Variants in VSIG1 observed in about 807,000 individuals in gnomAD.
VSIG1 encodes the protein V-set and immunoglobulin domain-containing protein 1.
Under a neutral mutation model 20.1 loss-of-function variants are expected in VSIG1, and 11 were observed. The observed-to-expected ratio is 0.55, with a 90% CI of 0.34 to 0.91. VSIG1 has a LOEUF of 0.91. Ranked by LOEUF, VSIG1 falls within the 40% of genes least tolerant of loss-of-function variation. The pLI, the probability that VSIG1 is intolerant of heterozygous loss-of-function variation, is 0.02. For missense variants in VSIG1, 283 were observed against 298.8 expected, an observed-to-expected ratio of 0.95 and a Z score of 0.39; for synonymous variants, 126 against 116.7, an observed-to-expected ratio of 1.08 and a Z score of -0.52.
chrX:108,066,775 T>G (rs918007021), intron 2 of VSIG1, among the ~76,000 whole-genome samples, 161 bp from the exon 3 acceptor site: 2 of 111,731 alleles, frequency 1.8e-5, no homozygotes, highest in African/African-American at 6.5e-5. Flanking sequence ...CAAACTAAAG[T>G]GCCCCACTGA....
At chrX:108,030,109 G>A in the VSIG1 span, among the ~76,000 whole-genome samples, 2 of 111,451 alleles carry the variant, frequency 1.8e-5, no homozygotes, top group African/African-American at 6.5e-5. Context: ...CATGTCCCGA[G>A]AGTCCCAAAT....
the VSIG1 span, among the ~76,000 whole-genome samples, chrX:108,038,451 C>A: frequency 8.9e-6 from 1 of 111,970 alleles, no homozygotes; most frequent in Non-Finnish European, 1.9e-5. Context: ...GACAGTGTGG[C>A]AATTCCTCAA....
intron 5 of VSIG1, 98 bp from the exon 6 acceptor site, chrX:108,075,979 A>G: frequency 1.9e-6 from 2 of 1,063,345 alleles, no homozygotes; most frequent in Non-Finnish European, 1.3e-6. Flanking sequence ...TCATTTTCCC[A>G]CTATGTGAAT....
chrX:108,021,387 G>T, the VSIG1 span, among the ~76,000 whole-genome samples: 3 of 111,493 alleles, frequency 2.7e-5, no homozygotes, highest in African/African-American at 9.8e-5. Flanking sequence ...TTTTGAAGTG[G>T]GAAGTCTAAA....
intron 2 of VSIG1, among the ~76,000 whole-genome samples, chrX:108,065,854 T>C (rs936125629): frequency 1.2e-4 from 14 of 112,167 alleles, no homozygotes; most frequent in Non-Finnish European, 1.9e-5. Flanking sequence ...ATACATATCA[T>C]ACTTTGGAAA....
intron 2 of VSIG1, among the ~76,000 whole-genome samples, chrX:108,063,640 G>A: frequency 9.0e-6 from 1 of 111,019 alleles, no homozygotes; most frequent in East Asian, 2.8e-4. Flanking sequence ...TATCCATCGG[G>A]CTCCTGAAGG....
chrX:108,048,283 G>C (rs1485699615), intron 1 of VSIG1, among the ~76,000 whole-genome samples: 1 of 110,021 alleles, frequency 9.1e-6, no homozygotes. Flanking sequence ...GATTACAGGC[G>C]TGAGCCACTG....
intron 1 of VSIG1, among the ~76,000 whole-genome samples, chrX:108,056,369 A>G (rs756293366): frequency 8.9e-6 from 1 of 111,738 alleles, no homozygotes; most frequent in South Asian, 3.8e-4. Context: ...CAATGCAAGG[A>G]TGTCCACTCT....
Position 108,077,521 on chromosome X carries a change from C to A in VSIG1, c.*140C>A. 1.4e-6 allele frequency: 1 copy of A among 689,692 alleles called. No individual in the cohort carries two copies. The highest frequency in any genetic ancestry group is 2.1e-6 in the Non-Finnish European group (1 of 465,465). 56.8% of individuals were successfully genotyped at this position (689,692 alleles called of 1,213,427 possible). A position where few individuals can be genotyped will look rare whatever the true frequency, so the allele number is the denominator to read the frequency against. On this transcript the variant is annotated 3_prime_UTR_variant, in exon 7 of 7. Transcript: ENST00000217957. The stretch of plus-strand genomic sequence containing the variant: ...CAAGGTGCTCATTCCTACTATGAAT[C>A]CAGAATAAACACGCCAAGATAACAG...
intron 2 of VSIG1, among the ~76,000 whole-genome samples, chrX:108,066,457 G>A (rs1438042622): frequency 9.0e-6 from 1 of 111,609 alleles, no homozygotes; most frequent in Non-Finnish European, 1.9e-5. Context: ...TCTAAAAGGA[G>A]CATGAACATT....
intron 1 of VSIG1, among the ~76,000 whole-genome samples, chrX:108,047,943 TATATATATATACACACAC>T (rs2030668526): frequency 1.2e-4 from 4 of 33,356 alleles, no homozygotes; most frequent in African/African-American, 3.8e-4. Flanking sequence ...TACACATATA[TATATATATATACACACAC>T]ATATATATAT....
upstream of VSIG1, chrX:108,044,959 C>T (rs2030538389): frequency 3.1e-6 from 1 of 318,860 alleles, no homozygotes; most frequent in Non-Finnish European, 5.5e-6. Flanking sequence ...AAACACAAAT[C>T]TGTACTGAAA....
At position 108,077,284 on chromosome X, in the gene VSIG1, C is replaced by A; in HGVS notation, c.1067C>A (p.Ser356Ter). The A allele has an allele frequency of 1.7e-6, 2 of 1,211,717 alleles. No homozygotes were observed. The highest frequency in any genetic ancestry group is 2.2e-6 in the Non-Finnish European group (2 of 895,550). ...CTGGAGCTGGAGCCAGAAACGCAGT[C>A]GGAATTGGAGCCAGAGCCAGAGCCA... ...IELELEPETQ[S>*]ELEPEPEPEP... The change falls in exon 7 of 7, where the codon TCG becomes TAG. Residue 356 changes from serine (S) to a stop codon, truncating the protein, a stop_gained. Transcript: ENST00000217957. LOFTEE classifies it low-confidence loss of function (END_TRUNC).
At chrX:108,020,947 G>A in the VSIG1 span, among the ~76,000 whole-genome samples, 2 of 111,995 alleles carry the variant, frequency 1.8e-5, no homozygotes, top group Non-Finnish European at 3.8e-5. Context: ...ACACAGCAGA[G>A]TTTCCAGGGC....
At chrX:108,076,947 G>T (rs2031359647) in intron 6 of VSIG1, 101 bp from the exon 7 acceptor site, 1 of 813,819 alleles carries the variant, frequency 1.2e-6, no homozygotes, top group African/African-American at 2.1e-5. Flanking sequence ...CCTGAAGTCT[G>T]GGACCTATGG....
At chrX:108,022,711 T>A in the VSIG1 span, among the ~76,000 whole-genome samples, 1 of 112,025 alleles carries the variant, frequency 8.9e-6, no homozygotes, top group Non-Finnish European at 1.9e-5. Context: ...GCTTTGATAT[T>A]TTTCCCCTTC....
At chrX:108,022,839 G>A in the VSIG1 span, among the ~76,000 whole-genome samples, 1 of 111,668 alleles carries the variant, frequency 9.0e-6, no homozygotes, top group East Asian at 2.8e-4. Flanking sequence ...TACTGAGTAA[G>A]TTCTTGCTCT....
At chrX:108,044,662 A>G (rs1020078728), upstream of VSIG1, among the ~76,000 whole-genome samples, 1 of 111,612 alleles carries the variant, frequency 9.0e-6, no homozygotes, top group African/African-American at 3.3e-5. Flanking sequence ...AGGAAACGAT[A>G]TAGTACCAAT....
At chrX:108,066,694 A>G (rs979658659) in intron 2 of VSIG1, among the ~76,000 whole-genome samples, 1 of 111,659 alleles carries the variant, frequency 9.0e-6, no homozygotes, top group Non-Finnish European at 1.9e-5. Flanking sequence ...CTCCTCTGTA[A>G]GATAGGCATA....
Sources: gnomAD v4.1 joint callset for allele counts (sites outside exome capture counted in the v4.1 genomes callset) on GRCh38, gnomAD v4.1.1 for gene constraint, MANE v1.5 for transcripts, NCBI Gene and HGNC (gene_info 2026-07-23, HGNC 2026-07-21) for gene names.